Variants in VTA1 observed in about 807,000 individuals in gnomAD.
The protein encoded by VTA1 is vacuolar protein sorting-associated protein VTA1 homolog.
Under a neutral mutation model 36.9 loss-of-function variants are expected in VTA1, and 24 were observed. The ratio of observed to expected loss-of-function variants is 0.65; its 90% CI spans 0.47 to 0.91. The LOEUF is 0.91. Among genes scored for constraint, VTA1 ranks in the 40% least tolerant of loss-of-function variants. The pLI is 0.00. For missense variants in VTA1, 393 were observed against 377.2 expected, an observed-to-expected ratio of 1.04 and a Z score of -0.35; for synonymous variants, 142 against 130.2, an observed-to-expected ratio of 1.09 and a Z score of -0.62.
intron 5 of VTA1, among the ~76,000 whole-genome samples, chr6:142,189,772 A>G (rs1273234291): frequency 6.7e-6 from 1 of 150,302 alleles, no homozygotes; most frequent in East Asian, 1.9e-4. Context: ...TTTTTTTTTT[A>G]ATGAGACATA....
intron 1 of VTA1, among the ~76,000 whole-genome samples, chr6:142,159,128 G>A (rs886234495): frequency 1.3e-5 from 2 of 152,120 alleles, no homozygotes; most frequent in African/African-American, 4.8e-5. Flanking sequence ...GGGAGGCCGA[G>A]GTGGGTAGAT....
chr6:142,200,565 T>A (rs895236748), intron 6 of VTA1, among the ~76,000 whole-genome samples: 1 of 151,984 alleles, frequency 6.6e-6, no homozygotes, highest in Non-Finnish European at 1.5e-5. Context: ...AGGAGGGCTA[T>A]AGTAGATCGA....
At chr6:142,181,609 AT>A (rs920952009) in intron 4 of VTA1, among the ~76,000 whole-genome samples, 23 of 150,292 alleles carry the variant, frequency 1.5e-4, no homozygotes, top group Non-Finnish European at 2.1e-4. Flanking sequence ...TGAAAACTAT[AT>A]TTTTTTTTCA....
rs920199945 is a variant in VTA1, at chr6:142,169,694, A to G, written c.335+17A>G. The G allele has an allele frequency of 2.6e-6, 4 of 1,523,388 alleles. No homozygotes were observed. The African/African-American group carries it at 4.3e-5, about 16-fold the overall frequency. The allele number at this position is 1,523,388 out of a possible 1,614,324, so 94.4% of individuals were successfully genotyped here. A position where few individuals can be genotyped will look rare whatever the true frequency, so the allele number is the denominator to read the frequency against. On this transcript the variant is annotated intron_variant, in intron 3 of 7. Transcript: ENST00000367630. ...ATTTCACAAGTAAGTAAAGAGAAAAATAAAAATTATTTTATTAATTTTGTA... is the reference window on the plus strand; with the variant it reads ...ATTTCACAAGTAAGTAAAGAGAAAAGTAAAAATTATTTTATTAATTTTGTA...
intron 6 of VTA1, among the ~76,000 whole-genome samples, chr6:142,199,746 T>C (rs1775642971): frequency 6.6e-6 from 1 of 152,192 alleles, no homozygotes; most frequent in Non-Finnish European, 1.5e-5. Context: ...GATGAAATGA[T>C]AATTTTAGCA....
intron 4 of VTA1, among the ~76,000 whole-genome samples, chr6:142,174,479 T>G (rs1165695110): frequency 1.3e-5 from 2 of 152,186 alleles, no homozygotes; most frequent in Non-Finnish European, 2.9e-5. Flanking sequence ...TCTTACAGGC[T>G]CACAGGTGGA....
At chr6:142,147,947 AT>A (rs1363772238) in intron 1 of VTA1, among the ~76,000 whole-genome samples, 1 of 152,176 alleles carries the variant, frequency 6.6e-6, no homozygotes, top group Non-Finnish European at 1.5e-5. Context: ...ACCATGCAGA[AT>A]TTTTAGTTTT....
At chr6:142,153,490 A>G (rs1305498585) in intron 1 of VTA1, among the ~76,000 whole-genome samples, 2 of 151,990 alleles carry the variant, frequency 1.3e-5, no homozygotes, top group South Asian at 4.1e-4. Flanking sequence ...CTTGTGCCCT[A>G]TCCTTTCTAG....
In VTA1 at chr6:142,147,291, G is replaced by T. The variant is rs762777242; in HGVS notation, c.4G>T (p.Ala2Ser). ...AAGTGGTGAGTTCGGAGTAGAGATG[G>T]CCGCGCTTGCACCGCTGCCCCCGCT... MAALAPLPPLPA... is the reference protein window; with the variant it reads MSALAPLPPLPA... The change falls in exon 1 of 8, where the codon GCC (alanine) becomes TCC (serine). Residue 2 changes from alanine (A) to serine (S), a missense_variant. Physicochemically the swap from Ala to Ser is moderately conservative, Grantham distance 99 (BLOSUM62 1). Coordinates refer to ENST00000367630, the MANE Select transcript of VTA1 (RefSeq NM_016485.5). 1.9e-6 allele frequency: 3 copies of T among 1,614,046 alleles called. No individual in the cohort carries two copies. The highest frequency in any genetic ancestry group is 1.3e-5 in the African/African-American group (1 of 74,946).
At chr6:142,211,494 G>A (rs1036494983) in intron 7 of VTA1, among the ~76,000 whole-genome samples, 2 of 152,060 alleles carry the variant, frequency 1.3e-5, no homozygotes, top group Non-Finnish European at 2.9e-5. Context: ...GACAGATCAC[G>A]AGGTCAGGAG....
rs562600857 is a variant in VTA1, at chr6:142,185,870, A to G, written c.412-3556A>G. ...AGTTAAGCTTTCATACATTGGAGAT[A>G]TGTATACTTCCTGAGCAACTACTGC... On this transcript the variant is annotated intron_variant, in intron 4 of 7. Coordinates refer to ENST00000367630, the MANE Select transcript of VTA1 (RefSeq NM_016485.5). Among the ~76,000 whole-genome samples the G allele has an allele frequency of 2.6e-5, 4 of 152,314 alleles. No homozygotes were observed. The East Asian group carries it at 7.7e-4, about 29-fold the overall frequency.
intron 1 of VTA1, among the ~76,000 whole-genome samples, chr6:142,150,663 T>C (rs1335314351): frequency 6.6e-6 from 1 of 152,154 alleles, no homozygotes; most frequent in Non-Finnish European, 1.5e-5. Context: ...TGGTCTTACA[T>C]TGAAGAAAAC....
intron 4 of VTA1, among the ~76,000 whole-genome samples, chr6:142,179,339 C>T (rs1775181965): frequency 6.6e-6 from 1 of 151,868 alleles, no homozygotes; most frequent in South Asian, 2.1e-4. Flanking sequence ...GCTAAACATA[C>T]TCCCTTTTAC....
At chr6:142,155,121 A>C (rs185128844) in intron 1 of VTA1, among the ~76,000 whole-genome samples, 91 of 152,246 alleles carry the variant, frequency 6.0e-4, no homozygotes, top group African/African-American at 2.2e-3. Flanking sequence ...GCTAGAGTTA[A>C]GCATTCATCC....
chr6:142,198,754 CATTAA>C, intron 6 of VTA1, 139 bp downstream of exon 6: 1 of 755,136 alleles, frequency 1.3e-6, no homozygotes, highest in Non-Finnish European at 2.0e-6. Flanking sequence ...CCACAAGAAA[CATTAA>C]ATTATTTTCA....
intron 6 of VTA1, among the ~76,000 whole-genome samples, chr6:142,203,369 C>A (rs1775727399): frequency 6.6e-6 from 1 of 151,758 alleles, no homozygotes; most frequent in Non-Finnish European, 1.5e-5. Context: ...CATTTCAGTC[C>A]TTTTTTGGGG....
At chr6:142,199,571 A>C (rs1213098485) in intron 6 of VTA1, among the ~76,000 whole-genome samples, 3 of 152,028 alleles carry the variant, frequency 2.0e-5, no homozygotes, top group African/African-American at 4.8e-5. Flanking sequence ...TATTTTACCC[A>C]AATTTTTTTT....
intron 4 of VTA1, among the ~76,000 whole-genome samples, chr6:142,173,314 T>C (rs73574206): frequency 0.011 from 1,696 of 152,344 alleles, 36 homozygotes; most frequent in African/African-American, 0.039. Flanking sequence ...AACACATTCG[T>C]AGATGTGAAT....
chr6:142,216,050 T>G (rs1268665222), intron 7 of VTA1, among the ~76,000 whole-genome samples: 1 of 152,164 alleles, frequency 6.6e-6, no homozygotes, highest in Non-Finnish European at 1.5e-5. Flanking sequence ...ACAACCCCTC[T>G]AATCTTTGAA....
Sources: gnomAD v4.1 joint callset for allele counts (sites outside exome capture counted in the v4.1 genomes callset) on GRCh38, gnomAD v4.1.1 for gene constraint, MANE v1.5 for transcripts, NCBI Gene and HGNC (gene_info 2026-07-23, HGNC 2026-07-21) for gene names.